Variants in VMAC observed in about 807,000 individuals in gnomAD.
VMAC encodes the protein vimentin-type intermediate filament-associated coiled-coil protein.
A neutral mutation model predicts 4.8 loss-of-function variants in VMAC; 8 were observed. That is an observed-to-expected ratio of 1.68 (90% CI 0.99 to 3.03). The LOEUF (loss-of-function observed/expected upper bound fraction) is 3.03. Ranked by LOEUF, VMAC falls within the 30% of genes most tolerant of loss-of-function variation. VMAC has a pLI of 0.00. For missense variants in VMAC, 248 were observed against 245.1 expected (o/e 1.01, Z -0.08); for synonymous variants, 96 against 113.7 (o/e 0.84, Z 0.99).
Position 5,909,971 on chromosome 19 carries a change from C to G in VMAC, c.*829C>G, listed in dbSNP as rs1158044173. 1.3e-5 allele frequency: 2 copies of G among 150,068 alleles called. No individual in the cohort carries two copies. The highest frequency in any genetic ancestry group is 4.9e-5 in the African/African-American group (2 of 40,602). 9.3% of individuals were successfully genotyped at this position (150,068 alleles called of 1,614,324 possible). A position where few individuals can be genotyped will look rare whatever the true frequency, so the allele number is the denominator to read the frequency against. ...TTCTGGGCCAGCCTGTCACCCTGGC[C>G]TGGTCGGCAGCCATTCCCCTACCTC... is the stretch of plus-strand genomic sequence containing the variant. On this transcript the variant is annotated 3_prime_UTR_variant, in exon 2 of 2. Coordinates refer to ENST00000339485, the MANE Select transcript of VMAC (RefSeq NM_001017921.4).
rs2144975033 is a variant in VMAC, at chr19:5,910,651, CAGAG to C, written c.*1510_*1513del. 1 of 148,458 alleles carries C rather than the reference CAGAG, an allele frequency of 6.7e-6. No homozygotes were observed. The highest frequency in any genetic ancestry group is 1.5e-5 in the Non-Finnish European group (1 of 67,368). 9.2% of individuals were successfully genotyped at this position (148,458 alleles called of 1,614,324 possible). On this transcript the variant is annotated 3_prime_UTR_variant, in exon 2 of 2. Transcript: ENST00000339485. Reference sequence around the variant, plus strand: ...CACCACTGCACTCCAGCCTGGGAGACAGAGTGAGACTCAGTCTCAAAGAAAACAA... The same window carrying C: ...CACCACTGCACTCCAGCCTGGGAGACTGAGACTCAGTCTCAAAGAAAACAA...
intron 1 of VMAC, among the ~76,000 whole-genome samples, chr19:5,907,511 G>T (rs916734923): frequency 6.7e-6 from 1 of 149,624 alleles, no homozygotes; most frequent in Non-Finnish European, 1.5e-5. Flanking sequence ...AATGGCTCAC[G>T]CCTATACTCT....
rs531209787 is a variant in VMAC at position 5,907,156 on chromosome 19, G to A, written c.192-1668G>A. ...TCAGGTTATGGGAGGGCCCTCTTCC[G>A]GGCTTGCAGATTTCTGGCTTCTCTC... On this transcript the variant is annotated intron_variant, in intron 1 of 1. Coordinates refer to ENST00000339485, the MANE Select transcript of VMAC (RefSeq NM_001017921.4). Among the ~76,000 whole-genome samples, 139 of 152,254 alleles carry A rather than the reference G, an allele frequency of 9.1e-4. 1 individual carries two copies. Among genetic ancestry groups the A allele is most frequent in the African/African-American group, 3.1e-3 (128 of 41,554 alleles).
chr19:5,907,791 A>G (rs946065681), intron 1 of VMAC, among the ~76,000 whole-genome samples: 1 of 151,400 alleles, frequency 6.6e-6, no homozygotes, highest in East Asian at 1.9e-4. Flanking sequence ...GTCTCAATCA[A>G]TAAGGGAGAT....
chr19:5,909,245 C>G lies in VMAC; in HGVS notation c.*103C>G. On this transcript the variant is annotated 3_prime_UTR_variant, in exon 2 of 2. Coordinates refer to ENST00000339485, the MANE Select transcript of VMAC (RefSeq NM_001017921.4). Reference sequence around the variant, plus strand: ...GGGGACCCTACGGCAGAGCCAAAGTCCTGTCTAAGCATCAGAACAGGCTGA... The same window carrying G: ...GGGGACCCTACGGCAGAGCCAAAGTGCTGTCTAAGCATCAGAACAGGCTGA... 1 of 1,313,922 alleles carries G rather than the reference C, an allele frequency of 7.6e-7. No homozygotes were observed. The highest frequency in any genetic ancestry group is 1.4e-5 in the South Asian group (1 of 71,196). 81.4% of individuals were successfully genotyped at this position (1,313,922 alleles called of 1,614,324 possible).
chr19:5,906,115 G>A (rs946936545), intron 1 of VMAC, among the ~76,000 whole-genome samples: 5 of 149,006 alleles, frequency 3.4e-5, no homozygotes, highest in Middle Eastern at 3.2e-3. Flanking sequence ...ACAGGCGTGC[G>A]ACAGCACACC....
At chr19:5,905,711 C>G (rs1385517360) in intron 1 of VMAC, among the ~76,000 whole-genome samples, 1 of 151,876 alleles carries the variant, frequency 6.6e-6, no homozygotes, top group Admixed American at 6.6e-5. Context: ...GGTGAGCCAC[C>G]GCACCCGGCC....
chr19:5,905,601 A>G (rs2057675821), intron 1 of VMAC, among the ~76,000 whole-genome samples: 1 of 151,132 alleles, frequency 6.6e-6, no homozygotes, highest in Non-Finnish European at 1.5e-5. Flanking sequence ...TTGTATTTCT[A>G]GTAGAGACTG....
intron 1 of VMAC, among the ~76,000 whole-genome samples, chr19:5,907,659 G>A (rs964518699): frequency 4.7e-5 from 6 of 128,198 alleles, no homozygotes; most frequent in African/African-American, 1.1e-4. Flanking sequence ...GGTGGCACAC[G>A]CCTGCAGTCC....
At chr19:5,907,854 G>C (rs2144972125) in intron 1 of VMAC, among the ~76,000 whole-genome samples, 1 of 152,052 alleles carries the variant, frequency 6.6e-6, no homozygotes, top group Middle Eastern at 3.4e-3. Context: ...TGTCTCTCCT[G>C]CTGCCCTATA....
chr19:5,909,464 G>A lies in VMAC; in HGVS notation c.*322G>A. 3.4e-6 allele frequency: 1 copy of A among 296,428 alleles called. No homozygotes were observed. Among genetic ancestry groups the A allele is most frequent in the South Asian group, 6.7e-5 (1 of 14,962 alleles). The allele number at this position is 296,428 out of a possible 1,614,324, so 18.4% of individuals were successfully genotyped here. ...AGTTCAGGGCACCCTCTTTAGCCAG[G>A]GTGTGAGTTTCTGTTTTTTGTTTTT... On this transcript the variant is annotated 3_prime_UTR_variant, in exon 2 of 2. Coordinates refer to ENST00000339485, the MANE Select transcript of VMAC (RefSeq NM_001017921.4).
Position 5,908,206 on chromosome 19 carries a change from T to C in VMAC, c.192-618T>C, listed in dbSNP as rs2057685554. Among the ~76,000 whole-genome samples, 1 of 151,620 alleles carries C rather than the reference T, an allele frequency of 6.6e-6. No individual in the cohort carries two copies. Among genetic ancestry groups the C allele is most frequent in the African/African-American group, 2.4e-5 (1 of 41,180 alleles). On this transcript the variant is annotated intron_variant, in intron 1 of 1. Transcript: ENST00000339485. The surrounding 1 kb of genome is among the most constrained non-coding windows in gnomAD (Gnocchi z 4.5). ...TAAAAATACAAAAATCAGTCAGGCA[T>C]GGTGGCGCATGCCTGTAAACCCAGC...
intron 1 of VMAC, among the ~76,000 whole-genome samples, chr19:5,906,662 T>G (rs2057680074): frequency 6.6e-6 from 1 of 151,440 alleles, no homozygotes; most frequent in African/African-American, 2.4e-5. Flanking sequence ...TAAGAATAGG[T>G]GGGAAAAGAT....
At position 5,908,939 on chromosome 19, in the gene VMAC, C is replaced by A; in HGVS notation, c.307C>A (p.Leu103Met). 1 of 1,613,678 alleles carries A rather than the reference C, an allele frequency of 6.2e-7. No homozygotes were observed. The highest frequency in any genetic ancestry group is 8.5e-7 in the Non-Finnish European group (1 of 1,179,912). Residue 103 changes from leucine (L) to methionine (M), a missense_variant, in exon 2 of 2, where the codon CTG becomes ATG. Transcript: ENST00000339485. The surrounding 1 kb of genome is among the most constrained non-coding windows in gnomAD (Gnocchi z 4.5). The stretch of plus-strand genomic sequence containing the variant: ...TAGGCAGTTGCAGCCCCGGGCTGAG[C>A]TGCTGCAGGACATCTGCCGCCGCCG... ...LIRQLQPRAE[L>M]LQDICRRRPP... is the part of the protein sequence containing the mutation.
In VMAC at chr19:5,909,165, T is replaced by C. The variant is rs201840632; in HGVS notation, c.*23T>C. ...TGAGCCCGGAATGCAGATTACAGAA[T>C]GGAGACAGAAAGCCACTGCTGTCAG... On this transcript the variant is annotated 3_prime_UTR_variant, in exon 2 of 2. Transcript: ENST00000339485. The C allele has an allele frequency of 2.4e-4, 362 of 1,525,576 alleles. No individual in the cohort carries two copies. The highest frequency in any genetic ancestry group is 3.3e-4 in the Admixed American group (15 of 45,888). 94.5% of individuals were successfully genotyped at this position (1,525,576 alleles called of 1,614,324 possible). A position where few individuals can be genotyped will look rare whatever the true frequency, so the allele number is the denominator to read the frequency against.
At chr19:5,907,681 G>A (rs1195164392) in intron 1 of VMAC, among the ~76,000 whole-genome samples, 2 of 149,332 alleles carry the variant, frequency 1.3e-5, no homozygotes, top group East Asian at 3.9e-4. Flanking sequence ...AGCTACTGGG[G>A]AGGCTGAGGA....
At position 5,904,993 on chromosome 19, in the gene VMAC, C is replaced by G. The variant is rs1342089114; in HGVS notation, c.103C>G (p.Arg35Gly). The G allele has an allele frequency of 2.1e-6, 3 of 1,462,610 alleles. No homozygotes were observed. The highest frequency in any genetic ancestry group is 1.3e-5 in the South Asian group (1 of 74,982). 90.6% of individuals were successfully genotyped at this position (1,462,610 alleles called of 1,614,324 possible). Residue 35 changes from arginine to glycine, a missense_variant, in exon 1 of 2, where the codon CGC becomes GGC. Physicochemically the swap from Arg to Gly is moderately radical, Grantham distance 125. Coordinates refer to ENST00000339485, the MANE Select transcript of VMAC (RefSeq NM_001017921.4). Reference protein sequence around the residue: ...ELEARLDAAERTVHAQAERLA... With the variant: ...ELEARLDAAEGTVHAQAERLA... ...GGAGGCGCGGCTGGACGCGGCGGAG[C>G]GCACGGTGCACGCCCAAGCCGAGCG...
chr19:5,905,006 C>T lies in VMAC; in HGVS notation c.116C>T (p.Ala39Val), dbSNP rs1450185524. The change falls in exon 1 of 2, where the codon GCC (alanine) becomes GTC (valine). Residue 39 changes from alanine (A) to valine (V), a missense_variant. By Grantham distance (64) the Ala-to-Val change is moderately conservative. Transcript: ENST00000339485. Reference protein sequence around the residue: ...RLDAAERTVHAQAERLALHDQ... With the variant: ...RLDAAERTVHVQAERLALHDQ... ...GACGCGGCGGAGCGCACGGTGCACG[C>T]CCAAGCCGAGCGCCTGGCCCTCCAC... 7.0e-7 allele frequency: 1 copy of T among 1,436,706 alleles called. No homozygotes were observed. The highest frequency in any genetic ancestry group is 9.0e-7 in the Non-Finnish European group (1 of 1,105,298). 89.0% of individuals were successfully genotyped at this position (1,436,706 alleles called of 1,614,324 possible). A position where few individuals can be genotyped will look rare whatever the true frequency, so the allele number is the denominator to read the frequency against.
rs879699286 is a variant in VMAC at position 5,908,153 on chromosome 19, G to A, written c.192-671G>A. ...GAGGTCAGGAGTTTAAGACCAGTCT[G>A]GCCAACATGGCAAAACCTTGTCTCT... On this transcript the variant is annotated intron_variant, in intron 1 of 1. Coordinates refer to ENST00000339485, the MANE Select transcript of VMAC (RefSeq NM_001017921.4). The surrounding 1 kb of genome is among the most constrained non-coding windows in gnomAD (Gnocchi z 4.5). 6.6e-6 allele frequency among the ~76,000 whole-genome samples: 1 copy of A among 152,020 alleles called. No individual in the cohort carries two copies. The highest frequency in any genetic ancestry group is 1.5e-5 in the Non-Finnish European group (1 of 68,008).
Sources: gnomAD v4.1 joint callset for allele counts (sites outside exome capture counted in the v4.1 genomes callset) on GRCh38, gnomAD v4.1.1 for gene constraint, Gnocchi (gnomAD v3.1) non-coding constraint, MANE v1.5 for transcripts, NCBI Gene and HGNC (gene_info 2026-07-23, HGNC 2026-07-21) for gene names.